Variants in GCC2 observed in about 807,000 individuals in gnomAD.
GCC2 encodes the protein GRIP and coiled-coil domain-containing protein 2.
A neutral mutation model predicts 210.6 loss-of-function variants in GCC2; 120 were observed. The observed-to-expected ratio is 0.57, with a 90% confidence interval of 0.49 to 0.66. GCC2 has a LOEUF of 0.66. Among genes scored for constraint, GCC2 ranks in the 30% least tolerant of loss-of-function variants. The pLI is 0.00. For missense variants in GCC2, 1,868 were observed against 1,871.9 expected, an observed-to-expected ratio of 1.00 and a Z score of 0.04; for synonymous variants, 703 against 652.7, an observed-to-expected ratio of 1.08 and a Z score of -1.17.
Position 108,471,099 on chromosome 2 carries a change from T to C in GCC2, c.1770T>C (p.Asn590=), listed in dbSNP as rs1298626440. 1 of 1,584,254 alleles carries C rather than the reference T, an allele frequency of 6.3e-7. No individual in the cohort carries two copies. Among genetic ancestry groups the C allele is most frequent in the Admixed American group, 1.7e-5 (1 of 58,810 alleles). The stretch of plus-strand genomic sequence containing the variant: ...TAAAAGAATTAGAAGGAAAGATAAA[T>C]TCTCTTACTGAGGAAAAAGATGATT... The part of the protein sequence containing the change: ...TMLKELEGKI[N]SLTEEKDDFI... The change falls in exon 6 of 23, where the codon AAT becomes AAC. Residue 590 remains asparagine (N), a synonymous_variant. Coordinates refer to ENST00000309863, the MANE Select transcript of GCC2 (RefSeq NM_181453.4).
At chr2:108,493,039 A>G (rs955857476) in intron 19 of GCC2, among the ~76,000 whole-genome samples, 9 of 152,230 alleles carry the variant, frequency 5.9e-5, no homozygotes, top group South Asian at 2.1e-4. Flanking sequence ...CTTACCCTCA[A>G]TGGAAAGGAG....
intron 4 of GCC2, among the ~76,000 whole-genome samples, chr2:108,453,202 T>C (rs1420393499): frequency 6.6e-6 from 1 of 152,238 alleles, no homozygotes; most frequent in Non-Finnish European, 1.5e-5. Flanking sequence ...ACCAAATTGC[T>C]TCCCTTGGTT....
chr2:108,452,265 T>C, intron 3 of GCC2, 134 bp from the exon 4 acceptor site: 1 of 669,264 alleles, frequency 1.5e-6, no homozygotes, highest in Non-Finnish European at 2.7e-6. Context: ...GTGCAGAGAT[T>C]AATCATACTA....
chr2:108,493,741 G>A, intron 19 of GCC2: 1 of 985,324 alleles, frequency 1.0e-6, no homozygotes, highest in South Asian at 4.7e-5. Context: ...TCACTTATTA[G>A]GGTAAAAAAG....
chr2:108,490,977 C>G (rs1449249848), intron 18 of GCC2, among the ~76,000 whole-genome samples: 1 of 152,098 alleles, frequency 6.6e-6, no homozygotes, highest in Admixed American at 6.6e-5. Flanking sequence ...AGGAGTCTTT[C>G]CTCTTCTTCA....
chr2:108,477,246 C>T (rs958934196), intron 9 of GCC2, among the ~76,000 whole-genome samples: 1 of 152,038 alleles, frequency 6.6e-6, no homozygotes, highest in Non-Finnish European at 1.5e-5. Context: ...AATTCTGATG[C>T]AAGAATGGTA....
chr2:108,457,589 TCAA>T (rs1384205028), intron 4 of GCC2, among the ~76,000 whole-genome samples: 1 of 152,214 alleles, frequency 6.6e-6, no homozygotes, highest in African/African-American at 2.4e-5. Context: ...TATGATCATT[TCAA>T]CAATATTTTG....
At chr2:108,507,140 A>T (rs921602962) in intron 22 of GCC2, among the ~76,000 whole-genome samples, 1 of 152,142 alleles carries the variant, frequency 6.6e-6, no homozygotes, top group Non-Finnish European at 1.5e-5. Context: ...CGTGACTGTA[A>T]TCCCAACAAT....
At chr2:108,496,704 AAC>A in intron 20 of GCC2, 1 of 549,316 alleles carries the variant, frequency 1.8e-6, no homozygotes, top group South Asian at 2.4e-5. Flanking sequence ...ACTGTCTATA[AAC>A]ACAATTCTGA....
In GCC2 at chr2:108,470,579, A is replaced by G. The variant is rs1198848160; in HGVS notation, c.1250A>G (p.Tyr417Cys). 7 of 1,609,742 alleles carry G rather than the reference A, an allele frequency of 4.3e-6. No homozygotes were observed. The highest frequency in any genetic ancestry group is 3.4e-5 in the Admixed American group (2 of 59,444). ...GCAGGTTTAAATAAACAGTTTTGCT[A>G]TACTGTAGAACAGCATAACAGAGAA... Reference protein sequence around the residue: ...ELAGLNKQFCYTVEQHNREVQ... With the variant: ...ELAGLNKQFCCTVEQHNREVQ... Residue 417 changes from tyrosine (Y) to cysteine (C), a missense_variant, in exon 6 of 23, where the codon TAT becomes TGT. By Grantham distance (194) the Tyr-to-Cys change is radical. This residue lies in a region of GCC2 where 1,847 missense variants were observed against 1,765.2 expected (regional missense o/e 1.05). Transcript: ENST00000309863.
intron 10 of GCC2, 151 bp from the exon 11 acceptor site, chr2:108,482,136 A>G: frequency 1.8e-6 from 1 of 571,122 alleles, no homozygotes; most frequent in Non-Finnish European, 3.1e-6. Flanking sequence ...AGATTTTAAA[A>G]CTGATTCTTA....
At chr2:108,501,779 T>C (rs1056635) in intron 22 of GCC2, among the ~76,000 whole-genome samples, 9 of 152,192 alleles carry the variant, frequency 5.9e-5, no homozygotes, top group Admixed American at 1.3e-4. Context: ...TGAGAACCCC[T>C]GGTCTAGAGG....
rs1218883900 is a variant in GCC2 at position 108,470,639 on chromosome 2, TATC to T, written c.1312_1314del (p.Ser438del). ...CTTAAGGAACAACATCAAAAAGAAA[TATC>T]AGAACTAAATGAGACATTTTTGTCA... On this transcript the variant is annotated inframe_deletion, in exon 6 of 23. Coordinates refer to ENST00000309863, the MANE Select transcript of GCC2 (RefSeq NM_181453.4). The T allele has an allele frequency of 1.2e-6, 2 of 1,612,122 alleles. No homozygotes were observed. Among genetic ancestry groups the T allele is most frequent in the East Asian group, 4.5e-5 (2 of 44,820 alleles).
intron 12 of GCC2, among the ~76,000 whole-genome samples, chr2:108,483,373 G>A (rs562124097): frequency 2.6e-5 from 4 of 152,020 alleles, no homozygotes; most frequent in South Asian, 2.1e-4. Flanking sequence ...CCACGCATGC[G>A]TCACCACACC....
chr2:108,498,183 C>CTTTTTTTTTTTTTTTTTTTTTTT (rs3084885), intron 21 of GCC2, among the ~76,000 whole-genome samples: 1 of 57,478 alleles, frequency 1.7e-5, no homozygotes, highest in Admixed American at 2.4e-4. Context: ...GTTATATTTT[C>CTTTTTTTTTTTTTTTTTTTTTTT]TTTTTTTTTT....
At chr2:108,451,170 G>T (rs1384564995) in intron 3 of GCC2, 58 bp downstream of exon 3, 65 of 1,082,590 alleles carry the variant, frequency 6.0e-5, no homozygotes, top group Non-Finnish European at 8.4e-5. Context: ...GTTTAAAATG[G>T]TAGTTTTTAA....
chr2:108,505,295 A>G (rs1014518192), intron 22 of GCC2, among the ~76,000 whole-genome samples: 1 of 152,216 alleles, frequency 6.6e-6, no homozygotes, highest in Non-Finnish European at 1.5e-5. Flanking sequence ...ACCTCACTTG[A>G]AATACATAAC....
intron 4 of GCC2, among the ~76,000 whole-genome samples, chr2:108,466,950 G>A (rs1033211507): frequency 3.9e-5 from 6 of 152,038 alleles, no homozygotes; most frequent in East Asian, 1.9e-4. Flanking sequence ...ATATGTTTGC[G>A]TTTGTCTGAA....
In GCC2 at chr2:108,465,356, CTT is replaced by C. The variant is rs142882024; in HGVS notation, c.217-3620_217-3619del. Reference sequence around the variant, plus strand: ...TCTCAGAGTATTGATTTTTTGAAAACTTTTTATTTCAATAGCTTTTGGGGTAC... The same window carrying C: ...TCTCAGAGTATTGATTTTTTGAAAACTTTATTTCAATAGCTTTTGGGGTAC... On this transcript the variant is annotated intron_variant, in intron 4 of 22. Coordinates refer to ENST00000309863, the MANE Select transcript of GCC2 (RefSeq NM_181453.4). Among the ~76,000 whole-genome samples, 1,425 of 152,232 alleles carry C rather than the reference CTT, an allele frequency of 9.4e-3. 22 individuals are homozygous for C. Among genetic ancestry groups the C allele is most frequent in the Middle Eastern group, 0.031 (9 of 294 alleles).
Sources: gnomAD v4.1 joint callset for allele counts (sites outside exome capture counted in the v4.1 genomes callset) on GRCh38, gnomAD v4.1.1 for gene constraint, gnomAD v4.1.1 regional missense constraint, MANE v1.5 for transcripts, NCBI Gene and HGNC (gene_info 2026-07-23, HGNC 2026-07-21) for gene names.